NEBL: variants seen among roughly 807,000 people sequenced by gnomAD.
NEBL encodes the protein LIM and SH3 protein 2.
A neutral mutation model predicts 140.2 loss-of-function variants in NEBL; 122 were observed. The observed-to-expected ratio is 0.87, with a 90% CI of 0.75 to 1.01. The LOEUF (loss-of-function observed/expected upper bound fraction) is 1.01. Ranked by LOEUF, NEBL falls within the 50% of genes least tolerant of loss-of-function variation. The probability of loss-of-function intolerance (pLI) is 0.00; values close to 1 mark genes in which losing one functional copy is unlikely to be tolerated. For missense variants in NEBL, 1,365 were observed against 1,231.3 expected, an observed-to-expected ratio of 1.11 and a Z score of -1.62; for synonymous variants, 436 against 398.9, an observed-to-expected ratio of 1.09 and a Z score of -1.11.
intron 4 of NEBL, among the ~76,000 whole-genome samples, chr10:20,905,313 C>T (rs767152640): frequency 9.9e-5 from 15 of 152,092 alleles, no homozygotes; most frequent in Non-Finnish European, 1.8e-4. Flanking sequence ...AAAACATACC[C>T]GAGACTGGGT....
intron 2 of NEBL, among the ~76,000 whole-genome samples, chr10:21,077,162 G>T (rs548775661): frequency 2.0e-5 from 3 of 151,980 alleles, no homozygotes; most frequent in African/African-American, 7.2e-5. Context: ...AAGTTATTGG[G>T]GTCTATCTTG....
intron 2 of NEBL, among the ~76,000 whole-genome samples, chr10:21,051,477 A>C (rs1384012277): frequency 6.6e-6 from 1 of 152,208 alleles, no homozygotes; most frequent in Admixed American, 6.5e-5. Context: ...TGTCATCCTC[A>C]TGGTACCCCC....
At chr10:20,888,336 AT>A in intron 3 of NEBL, 129 bp from the exon 4 acceptor site, 1 of 666,970 alleles carries the variant, frequency 1.5e-6, no homozygotes, top group Non-Finnish European at 2.7e-6. Context: ...GACCATTTTA[AT>A]TTTAGATACC....
intron 26 of NEBL, among the ~76,000 whole-genome samples, chr10:20,801,396 C>T (rs1459291259): frequency 2.6e-5 from 4 of 151,602 alleles, no homozygotes; most frequent in Non-Finnish European, 4.4e-5. Flanking sequence ...GGTTTTTTGC[C>T]ATGTTGGCCA....
chr10:20,814,075 A>G (rs779815874), intron 22 of NEBL, 32 bp from the exon 23 acceptor site: 2 of 1,260,176 alleles, frequency 1.6e-6, no homozygotes, highest in Non-Finnish European at 2.3e-6. Context: ...TAAGACAATG[A>G]TAAGAAAACA....
chr10:20,966,420 A>G, intron 3 of NEBL, among the ~76,000 whole-genome samples: 1 of 152,260 alleles, frequency 6.6e-6, no homozygotes, highest in East Asian at 1.9e-4. Context: ...CATTAAATGA[A>G]TGTTTGCAAG....
intron 2 of NEBL, among the ~76,000 whole-genome samples, chr10:21,086,410 A>G (rs1836632154): frequency 6.6e-6 from 1 of 152,216 alleles, no homozygotes; most frequent in Non-Finnish European, 1.5e-5. Context: ...CCTCTCAAAC[A>G]TAAAAGTTAT....
At chr10:21,254,918 T>C (rs1842635600) in intron 1 of NEBL, among the ~76,000 whole-genome samples, 1 of 143,304 alleles carries the variant, frequency 7.0e-6, no homozygotes, top group African/African-American at 2.8e-5. Flanking sequence ...TGTCCCAAGC[T>C]GTGGCTGGCT....
intron 4 of NEBL, among the ~76,000 whole-genome samples, chr10:20,939,643 T>G (rs1226826649): frequency 6.6e-6 from 1 of 152,034 alleles, no homozygotes; most frequent in Non-Finnish European, 1.5e-5. Flanking sequence ...GACTGGCAAA[T>G]TGGATAAAGA....
intron 2 of NEBL, among the ~76,000 whole-genome samples, chr10:21,158,750 T>A (rs1211733676): frequency 6.6e-6 from 1 of 152,198 alleles, no homozygotes; most frequent in Non-Finnish European, 1.5e-5. Context: ...CTCTCCTAAT[T>A]TTTACTTTAA....
intron 1 of NEBL, among the ~76,000 whole-genome samples, chr10:21,291,210 A>G (rs981537129): frequency 6.6e-6 from 1 of 152,076 alleles, no homozygotes; most frequent in Non-Finnish European, 1.5e-5. Flanking sequence ...AGGGGGTCTA[A>G]GAAGGCTAAG....
chr10:21,264,095 C>G (rs1035683220), intron 1 of NEBL, among the ~76,000 whole-genome samples: 1 of 152,226 alleles, frequency 6.6e-6, no homozygotes, highest in African/African-American at 2.4e-5. Context: ...CAGTATTCCT[C>G]TTTTCCAGAT....
At chr10:21,136,999 C>T (rs1564523753) in intron 2 of NEBL, among the ~76,000 whole-genome samples, 1 of 152,138 alleles carries the variant, frequency 6.6e-6, no homozygotes, top group African/African-American at 2.4e-5. Context: ...CCCTGACTGG[C>T]ATAGCATTTT....
intron 2 of NEBL, among the ~76,000 whole-genome samples, chr10:21,166,664 T>C (rs1438499997): frequency 6.6e-6 from 1 of 152,226 alleles, no homozygotes; most frequent in South Asian, 2.1e-4. Context: ...TTAGTATTAC[T>C]GTGCCCATTT....
intron 7 of NEBL, chr10:20,868,459 C>T (rs1405968820): frequency 3.7e-6 from 2 of 547,620 alleles, no homozygotes; most frequent in East Asian, 3.1e-5. Flanking sequence ...GAAAAGAAAA[C>T]TTTGTTTTAT....
intron 2 of NEBL, among the ~76,000 whole-genome samples, chr10:21,156,226 G>A (rs1840332522): frequency 6.6e-6 from 1 of 152,176 alleles, no homozygotes; most frequent in Admixed American, 6.5e-5. Context: ...TAAAGACCAG[G>A]AGAGTTTTCC....
chr10:21,182,342 G>A (rs531263476), intron 3 of NEBL, among the ~76,000 whole-genome samples: 17 of 152,080 alleles, frequency 1.1e-4, no homozygotes, highest in African/African-American at 3.9e-4. Context: ...TAGGTGTGGC[G>A]GTGTGTGCCT....
chr10:20,811,263 C>T (rs1227350947), intron 24 of NEBL, among the ~76,000 whole-genome samples: 2 of 152,146 alleles, frequency 1.3e-5, no homozygotes, highest in African/African-American at 4.8e-5. Flanking sequence ...GTACTGAATT[C>T]TGAGAGCCCA....
At chr10:21,015,715 G>A (rs1325370451) in intron 3 of NEBL, among the ~76,000 whole-genome samples, 2 of 152,058 alleles carry the variant, frequency 1.3e-5, no homozygotes, top group Non-Finnish European at 2.9e-5. Context: ...GTCTCCCTAT[G>A]GCGCCCAGAC....
Sources: gnomAD v4.1 joint callset for allele counts (sites outside exome capture counted in the v4.1 genomes callset) on GRCh38, gnomAD v4.1.1 for gene constraint, MANE v1.5 for transcripts, NCBI Gene and HGNC (gene_info 2026-07-23, HGNC 2026-07-21) for gene names.